CCDC187: variants seen among roughly 807,000 people sequenced by gnomAD.
The protein encoded by CCDC187 is coiled-coil domain-containing protein 187.
A neutral mutation model predicts 38.0 loss-of-function variants in CCDC187; 32 were observed. The observed-to-expected ratio is 0.84, with a 90% CI of 0.64 to 1.13. The LOEUF is 1.13. Ranked by LOEUF, CCDC187 falls within the 50% of genes most tolerant of loss-of-function variation. The pLI is 0.00. For missense variants in CCDC187, 707 were observed against 786.8 expected, an observed-to-expected ratio of 0.90 and a Z score of 1.21; for synonymous variants, 333 against 347.9, an observed-to-expected ratio of 0.96 and a Z score of 0.48.
At chr9:136,281,155 C>G (rs1214704822) in intron 10 of CCDC187, 4 of 328,168 alleles carry the variant, frequency 1.2e-5, no homozygotes, top group African/African-American at 8.5e-5. Context: ...TGCTGGGTCC[C>G]TTGGGCACCA....
Position 136,259,466 on chromosome 9 carries a change from A to G in CCDC187, c.4211-18T>C. ...CCCAGGCTCTGAAAGACACAATCCC[A>G]GGAGTCACCAGCAGCAACCACAGAC... is the stretch of plus-strand genomic sequence containing the variant. On this transcript the variant is annotated intron_variant, in intron 20 of 25. Coordinates refer to ENST00000638797, the MANE Select transcript of CCDC187 (RefSeq NM_001378188.1). The G allele has an allele frequency of 1.0e-6, 1 of 983,852 alleles. No individual in the cohort carries two copies. Among genetic ancestry groups the G allele is most frequent in the Non-Finnish European group, 1.2e-6 (1 of 828,688 alleles). 60.9% of individuals were successfully genotyped at this position (983,852 alleles called of 1,614,324 possible).
chr9:136,253,864 C>T lies in CCDC187; in HGVS notation c.5964G>A (p.Leu1988=), dbSNP rs1022650758. The T allele has an allele frequency of 1.0e-6, 1 of 985,234 alleles. No individual in the cohort carries two copies. The allele number at this position is 985,234 out of a possible 1,614,324, so 61.0% of individuals were successfully genotyped here. A position where few individuals can be genotyped will look rare whatever the true frequency, so the allele number is the denominator to read the frequency against. ...AGGACAGCAACTCGTCCACGGGAGA[C>T]AGGATCTCAGTCAAGACGTCACCGG... The part of the protein sequence containing the change: ...LLAGDVLTEI[L]SPVDELLSYG... Residue 1988 remains leucine (L), a synonymous_variant, in exon 26 of 26, where the codon CTG becomes CTA. Transcript: ENST00000638797.
intron 18 of CCDC187, 71 bp downstream of exon 18, chr9:136,263,551 G>C (rs1190746564): frequency 2.8e-5 from 27 of 973,624 alleles, no homozygotes; most frequent in Non-Finnish European, 3.3e-5. Flanking sequence ...ATTTTTACAA[G>C]GGACTTGCAC....
chr9:136,267,351 G>T (rs190983645), intron 16 of CCDC187, 33 bp downstream of exon 16: 23 of 983,060 alleles, frequency 2.3e-5, no homozygotes, highest in Non-Finnish European at 2.5e-5. Flanking sequence ...GGGCTACGGC[G>T]GGGCGGGGCC....
At chr9:136,304,556 C>T (rs1588679513), upstream of CCDC187, among the ~76,000 whole-genome samples, 1 of 152,212 alleles carries the variant, frequency 6.6e-6, no homozygotes, top group Non-Finnish European at 1.5e-5. Flanking sequence ...CAGGAGCCCC[C>T]GCTGGCCTCC....
rs1268024100 is a variant in CCDC187, at chr9:136,253,674, G to A, written c.6154C>T (p.Gln2052Ter). 1 of 985,430 alleles carries A rather than the reference G, an allele frequency of 1.0e-6. No individual in the cohort carries two copies. Among genetic ancestry groups the A allele is most frequent in the African/African-American group, 1.7e-5 (1 of 57,248 alleles). The allele number at this position is 985,430 out of a possible 1,614,324, so 61.0% of individuals were successfully genotyped here. A position where few individuals can be genotyped will look rare whatever the true frequency, so the allele number is the denominator to read the frequency against. ...TCCTCAGACAAGGAGGACAAATCCT[G>A]GGTGGTGATGGCGGTGTCCTCCTCA... is the stretch of plus-strand genomic sequence containing the variant. ...PLEEDTAITTQDLSSLSEESL... is the reference protein window; with the variant it reads ...PLEEDTAITT The change falls in exon 26 of 26, where the codon CAG (glutamine) becomes TAG (stop). Residue 2052 changes from glutamine (Q) to a stop codon, truncating the protein, a stop_gained. Coordinates refer to ENST00000638797, the MANE Select transcript of CCDC187 (RefSeq NM_001378188.1). LOFTEE classifies it low-confidence loss of function (END_TRUNC).
At chr9:136,272,007 A>G (rs1430129514) in intron 14 of CCDC187, among the ~76,000 whole-genome samples, 1 of 152,228 alleles carries the variant, frequency 6.6e-6, no homozygotes, top group Non-Finnish European at 1.5e-5. Flanking sequence ...GCAAGCAAGA[A>G]GACAATGGAG....
intron 14 of CCDC187, among the ~76,000 whole-genome samples, chr9:136,274,128 C>G (rs1464182718): frequency 3.3e-5 from 5 of 152,186 alleles, no homozygotes; most frequent in Non-Finnish European, 7.4e-5. Context: ...GGTTCCTGTT[C>G]CCGAAGATGC....
intron 7 of CCDC187, among the ~76,000 whole-genome samples, chr9:136,289,464 A>G (rs1309621255): frequency 1.4e-5 from 2 of 141,724 alleles, no homozygotes; most frequent in Non-Finnish European, 3.0e-5. Context: ...GGTTGCGGTG[A>G]GCCAAGATCG....
chr9:136,271,606 C>CTTTTTTTT, intron 14 of CCDC187, among the ~76,000 whole-genome samples: 1 of 131,178 alleles, frequency 7.6e-6, no homozygotes, highest in Non-Finnish European at 1.6e-5. Context: ...AAGAGAAAGT[C>CTTTTTTTT]TTTTTTTTTT....
intron 18 of CCDC187, among the ~76,000 whole-genome samples, chr9:136,262,892 C>T (rs1830695931): frequency 2.0e-5 from 3 of 152,046 alleles, no homozygotes; most frequent in Admixed American, 2.0e-4. Flanking sequence ...GGGGACAGTC[C>T]CCCACCCCTT....
chr9:136,271,409 T>C (rs1336488909), intron 14 of CCDC187, among the ~76,000 whole-genome samples: 1 of 151,808 alleles, frequency 6.6e-6, no homozygotes, highest in Non-Finnish European at 1.5e-5. Context: ...TAATCCCAGC[T>C]ACTTGGGAGG....
chr9:136,302,545 C>G (rs1049420939), intron 2 of CCDC187, among the ~76,000 whole-genome samples: 9 of 152,252 alleles, frequency 5.9e-5, no homozygotes, highest in African/African-American at 1.9e-4. Context: ...GACCAGGCCC[C>G]CTCTTCCAGT....
chr9:136,299,164 A>G (rs1831609440), intron 3 of CCDC187, among the ~76,000 whole-genome samples: 2 of 152,186 alleles, frequency 1.3e-5, no homozygotes, highest in Admixed American at 1.3e-4. Context: ...GCTCAGGCGG[A>G]ACCGGATCTG....
At chr9:136,270,069 G>T (rs1830813972) in intron 14 of CCDC187, among the ~76,000 whole-genome samples, 1 of 152,214 alleles carries the variant, frequency 6.6e-6, no homozygotes, top group Non-Finnish European at 1.5e-5. Flanking sequence ...AAGAATAAAA[G>T]AATACAAAGA....
At position 136,254,497 on chromosome 9, in the gene CCDC187, G is replaced by A. The variant is rs371482816; in HGVS notation, c.5331C>T (p.Ala1777=). The part of the protein sequence containing the change: ...EEDLPEPCTG[A]KPASGSSLPA... ...GCAGGGAGCTCCCCGAGGCTGGCTT[G>A]GCCCCGGTACAGGGTTCTGGCAGGT... The change falls in exon 26 of 26, where the codon GCC becomes GCT. Residue 1777 remains alanine, a synonymous_variant. Transcript: ENST00000638797. 1,398 of 985,338 alleles carry A rather than the reference G, an allele frequency of 1.4e-3. 4 individuals are homozygous for A. Among genetic ancestry groups the A allele is most frequent in the Non-Finnish European group, 1.6e-3 (1,359 of 829,938 alleles). The allele number at this position is 985,338 out of a possible 1,614,324, so 61.0% of individuals were successfully genotyped here.
intron 4 of CCDC187, among the ~76,000 whole-genome samples, chr9:136,293,574 C>T (rs1315689335): frequency 2.0e-5 from 3 of 152,028 alleles, no homozygotes; most frequent in Admixed American, 6.6e-5. Context: ...CACACACGTG[C>T]CCACAACTCC....
chr9:136,292,634 C>T (rs1044936191), intron 4 of CCDC187, among the ~76,000 whole-genome samples: 30 of 152,314 alleles, frequency 2.0e-4, no homozygotes, highest in Non-Finnish European at 3.1e-4. Context: ...AGGCCGGGCA[C>T]GCAGCACATG....
At chr9:136,277,254 TAG>T (rs1208268346) in intron 10 of CCDC187, among the ~76,000 whole-genome samples, 1 of 134,518 alleles carries the variant, frequency 7.4e-6, no homozygotes, top group Non-Finnish European at 1.5e-5. Context: ...ACTCAGCAGG[TAG>T]AAGCTGCTGC....
Sources: gnomAD v4.1 joint callset for allele counts (sites outside exome capture counted in the v4.1 genomes callset) on GRCh38, gnomAD v4.1.1 for gene constraint, MANE v1.5 for transcripts, NCBI Gene and HGNC (gene_info 2026-07-23, HGNC 2026-07-21) for gene names.